Variants in LEPROTL1 observed in about 807,000 individuals in gnomAD.
LEPROTL1 encodes the protein leptin receptor overlapping transcript like 1.
Under a neutral mutation model 15.4 loss-of-function variants are expected in LEPROTL1, and 6 were observed. The ratio of observed to expected loss-of-function variants is 0.39; its 90% CI spans 0.21 to 0.77. The LOEUF is 0.77. Among genes scored for constraint, LEPROTL1 ranks in the 30% least tolerant of loss-of-function variants. LEPROTL1 has a pLI of 0.41. For synonymous variants in LEPROTL1, 56 were observed against 52.6 expected (o/e 1.06, Z -0.28); for missense variants, 128 against 158.1 (o/e 0.81, Z 1.02).
chr8:30,120,310 A>G (rs948125094), intron 3 of LEPROTL1, among the ~76,000 whole-genome samples: 1 of 152,150 alleles, frequency 6.6e-6, no homozygotes, highest in Non-Finnish European at 1.5e-5. Flanking sequence ...GCATGGATCC[A>G]GATCTCCCCC....
At chr8:30,103,837 G>A (rs1802511320) in intron 2 of LEPROTL1, among the ~76,000 whole-genome samples, 1 of 151,526 alleles carries the variant, frequency 6.6e-6, no homozygotes, top group African/African-American at 2.4e-5. Flanking sequence ...TTTATTCTAT[G>A]GTAGTTTTAA....
chr8:30,131,259 CAT>C (rs35960878), intron 3 of LEPROTL1, among the ~76,000 whole-genome samples: 9 of 141,304 alleles, frequency 6.4e-5, no homozygotes, highest in Admixed American at 2.2e-4. Context: ...CCCAAATATA[CAT>C]ATATATATAT....
chr8:30,119,096 C>T (rs960877891), intron 3 of LEPROTL1, among the ~76,000 whole-genome samples: 2 of 152,192 alleles, frequency 1.3e-5, no homozygotes, highest in Non-Finnish European at 2.9e-5. Context: ...AGGCTTTCCG[C>T]AGTGCATTGT....
chr8:30,123,166 C>T (rs976164907), intron 3 of LEPROTL1, among the ~76,000 whole-genome samples: 1 of 152,162 alleles, frequency 6.6e-6, no homozygotes, highest in Admixed American at 6.5e-5. Context: ...TTCTTACATC[C>T]ATTCCAAGAG....
At chr8:30,095,698 G>C (rs1802349724) in intron 1 of LEPROTL1, 170 bp downstream of exon 1, 3 of 685,864 alleles carry the variant, frequency 4.4e-6, no homozygotes, top group Non-Finnish European at 7.5e-6. Context: ...AGGTGGGCGC[G>C]GCGCCCTCGG....
intron 3 of LEPROTL1, among the ~76,000 whole-genome samples, chr8:30,117,190 A>T (rs1468497539): frequency 1.3e-5 from 2 of 152,122 alleles, no homozygotes; most frequent in Non-Finnish European, 2.9e-5. Flanking sequence ...GTAATGAAAA[A>T]TCAAAATGAT....
intron 3 of LEPROTL1, among the ~76,000 whole-genome samples, chr8:30,131,556 G>A (rs1012324269): frequency 6.6e-6 from 1 of 152,068 alleles, no homozygotes; most frequent in Non-Finnish European, 1.5e-5. Context: ...TTTTGTTTTG[G>A]TTTTGTGTTG....
chr8:30,097,895 T>G (rs1802399695), intron 1 of LEPROTL1, among the ~76,000 whole-genome samples: 1 of 129,904 alleles, frequency 7.7e-6, no homozygotes, highest in South Asian at 2.3e-4. Flanking sequence ...AGTCCCTTGG[T>G]TTTTTTTTTT....
rs886794845 is a variant in LEPROTL1, at chr8:30,108,017, T to A, written c.*2155T>A. 1.1e-6 allele frequency: 1 copy of A among 948,588 alleles called. No individual in the cohort carries two copies. The highest frequency in any genetic ancestry group is 1.3e-6 in the Non-Finnish European group (1 of 796,422). 58.8% of individuals were successfully genotyped at this position (948,588 alleles called of 1,614,324 possible). A position where few individuals can be genotyped will look rare whatever the true frequency, so the allele number is the denominator to read the frequency against. ...CACTGATACAATATTACCATTCTTCTATGGAAAGAAAACTTTTGATGATGA... is the reference window on the plus strand; with the variant it reads ...CACTGATACAATATTACCATTCTTCAATGGAAAGAAAACTTTTGATGATGA... On this transcript the variant is annotated 3_prime_UTR_variant, in exon 4 of 4. Transcript: ENST00000321250.
chr8:30,095,891 A>G lies in LEPROTL1; in HGVS notation c.16+363A>G, dbSNP rs1303409900. The G allele has an allele frequency of 7.1e-6, 5 of 700,088 alleles. No individual in the cohort carries two copies. The Admixed American group carries it at 8.1e-5, about 11-fold the overall frequency. 43.4% of individuals were successfully genotyped at this position (700,088 alleles called of 1,614,324 possible). A position where few individuals can be genotyped will look rare whatever the true frequency, so the allele number is the denominator to read the frequency against. ...AGGAGTTTGCATCCGAGAGAGAGGC[A>G]GGCAGAGCGTGGGATTGAGAAGGCT... On this transcript the variant is annotated intron_variant, in intron 1 of 3. Coordinates refer to ENST00000321250, the MANE Select transcript of LEPROTL1 (RefSeq NM_015344.3).
intron 1 of LEPROTL1, among the ~76,000 whole-genome samples, chr8:30,097,749 G>T (rs1802396943): frequency 2.0e-5 from 3 of 148,878 alleles, no homozygotes. Context: ...TAATGGAGTA[G>T]AAGTATTATC....
At chr8:30,095,629 G>A in intron 1 of LEPROTL1, 101 bp downstream of exon 1, 1 of 1,008,612 alleles carries the variant, frequency 9.9e-7, no homozygotes, top group Non-Finnish European at 1.3e-6. Flanking sequence ...GCTCGCGCGC[G>A]CGCGTGGGGT....
intron 3 of LEPROTL1, among the ~76,000 whole-genome samples, chr8:30,118,115 C>G (rs1360824267): frequency 6.7e-6 from 1 of 148,920 alleles, no homozygotes; most frequent in Non-Finnish European, 1.5e-5. Context: ...ACCTCTGCCT[C>G]CTGGGTTCAA....
intron 1 of LEPROTL1, among the ~76,000 whole-genome samples, chr8:30,097,671 CA>C (rs72163652): frequency 1.4e-3 from 40 of 29,384 alleles, no homozygotes; most frequent in African/African-American, 2.7e-3. Context: ...GACTCTGTCT[CA>C]AAAAAAAAAA....
At chr8:30,128,594 TA>T (rs965537022) in intron 3 of LEPROTL1, among the ~76,000 whole-genome samples, 4 of 151,168 alleles carry the variant, frequency 2.6e-5, no homozygotes, top group Admixed American at 2.6e-4. Flanking sequence ...GTACAAAAAA[TA>T]AAAAAAATTA....
At chr8:30,113,107 C>CAAAAAA (rs578198019), downstream of LEPROTL1, among the ~76,000 whole-genome samples, 42 of 95,434 alleles carry the variant, frequency 4.4e-4, no homozygotes, top group Middle Eastern at 0.013. Flanking sequence ...CCCGTCTCTC[C>CAAAAAA]AAAAAAAAAA....
In LEPROTL1 at chr8:30,106,494, A is replaced by G. The variant is rs1802571297; in HGVS notation, c.*632A>G. ...TTACTGGTAGACAGATGTTTTGTGG[A>G]TTGAAAATTATTTTATGGAATTGCT... is the stretch of plus-strand genomic sequence containing the variant. On this transcript the variant is annotated 3_prime_UTR_variant, in exon 4 of 4. Coordinates refer to ENST00000321250, the MANE Select transcript of LEPROTL1 (RefSeq NM_015344.3). The G allele has an allele frequency of 1.0e-6, 1 of 985,712 alleles. No homozygotes were observed. The highest frequency in any genetic ancestry group is 1.7e-5 in the African/African-American group (1 of 57,230). The allele number at this position is 985,712 out of a possible 1,614,324, so 61.1% of individuals were successfully genotyped here. A position where few individuals can be genotyped will look rare whatever the true frequency, so the allele number is the denominator to read the frequency against.
chr8:30,101,524 G>A (rs1802465676), intron 1 of LEPROTL1, among the ~76,000 whole-genome samples: 1 of 152,010 alleles, frequency 6.6e-6, no homozygotes, highest in Non-Finnish European at 1.5e-5. Context: ...AAAATTAACA[G>A]GATGTGGTAG....
At position 30,099,186 on chromosome 8, in the gene LEPROTL1, C is replaced by T. The variant is rs75859824; in HGVS notation, c.17-2712C>T. On this transcript the variant is annotated intron_variant, in intron 1 of 3. Transcript: ENST00000321250. ...AAAAGCTTTGATTGTTGTCATTGCT[C>T]TGTCTCCAGTAGCAAGAACAGTATC... Among the ~76,000 whole-genome samples, 14 of 152,340 alleles carry T rather than the reference C, an allele frequency of 9.2e-5. No individual in the cohort carries two copies. The East Asian group carries it at 2.1e-3, about 23-fold the overall frequency.
Sources: allele counts gnomAD v4.1 joint callset (sites outside exome capture counted in the v4.1 genomes callset), GRCh38; gene constraint gnomAD v4.1.1; transcripts MANE v1.5; gene names NCBI Gene and HGNC (gene_info 2026-07-23, HGNC 2026-07-21).